ECE1: variants seen among roughly 807,000 people sequenced by gnomAD.
ECE1 encodes endothelin converting enzyme 1, also known as endothelin-converting enzyme 1.
A neutral mutation model predicts 98.6 loss-of-function variants in ECE1; 35 were observed. The observed-to-expected ratio is 0.35, with a 90% CI of 0.27 to 0.47. ECE1 has a LOEUF of 0.47. Ranked by LOEUF, ECE1 falls within the 20% of genes least tolerant of loss-of-function variation. The pLI is 1.00. For missense variants in ECE1, 814 were observed against 1,025.3 expected (o/e 0.79, Z 2.81); for synonymous variants, 394 against 407.1 (o/e 0.97, Z 0.39).
intron 13 of ECE1, among the ~76,000 whole-genome samples, chr1:21,234,279 C>T (rs574400101): frequency 3.9e-5 from 6 of 152,034 alleles, no homozygotes; most frequent in South Asian, 4.2e-4. Flanking sequence ...TGAGCCACCA[C>T]GCCCGGCCAC....
chr1:21,273,438 A>T (rs955828327), intron 3 of ECE1, among the ~76,000 whole-genome samples: 6 of 152,030 alleles, frequency 3.9e-5, no homozygotes, highest in Admixed American at 2.0e-4. Flanking sequence ...AAGAGCTAAC[A>T]ATTCAGTTGG....
In ECE1 at chr1:21,260,325, G is replaced by T; in HGVS notation, c.561C>A (p.Asn187Lys). 2 of 1,614,236 alleles carry T rather than the reference G, an allele frequency of 1.2e-6. No individual in the cohort carries two copies. Among genetic ancestry groups the T allele is most frequent in the Non-Finnish European group, 1.7e-6 (2 of 1,180,046 alleles). ...KAQVYYRACMNETRIEELRAK... is the reference protein window; with the variant it reads ...KAQVYYRACMKETRIEELRAK... ...CCCTGAGCTCCTCGATCCTGGTCTC[G>T]TTCATGCACGCACGGTAGTATACTT... Residue 187 changes from asparagine to lysine, a missense_variant, in exon 5 of 19, where the codon AAC (asparagine) becomes AAA (lysine). By Grantham distance (94) the Asn-to-Lys change is moderately conservative (BLOSUM62 0). Around this residue, in one of 3 missense-constraint regions of ECE1, gnomAD observed 257 missense variants for 278.9 expected, o/e 0.92. Coordinates refer to ENST00000374893, the MANE Select transcript of ECE1 (RefSeq NM_001397.3). This position sits in a 1 kb window ranked among gnomAD's most constrained non-coding sequence, Gnocchi z 4.3.
intron 17 of ECE1, among the ~76,000 whole-genome samples, chr1:21,223,953 A>C (rs7550617): frequency 0.054 from 8,160 of 152,122 alleles, 700 homozygotes; most frequent in African/African-American, 0.18. Context: ...TTAAAACCCT[A>C]TATTGTGTCT....
rs372239142 is a variant in ECE1 at position 21,256,056 on chromosome 1, A to G, written c.911T>C (p.Met304Thr). 3 of 1,612,404 alleles carry G rather than the reference A, an allele frequency of 1.9e-6. No homozygotes were observed. The highest frequency in any genetic ancestry group is 2.7e-5 in the African/African-American group (2 of 74,914). Residue 304 changes from methionine (M) to threonine (T), a missense_variant, in exon 8 of 19, where the codon ATG (methionine) becomes ACG (threonine). Met to Thr is a moderately conservative substitution (Grantham distance 81). This residue lies in a region of ECE1 where 105 missense variants were observed against 179.1 expected (regional missense o/e 0.59). Transcript: ENST00000374893. ...CGTCTCAAAGTCCAAGATCTGCTGC[A>G]TCTGGGGCCGGATGGCCTCCTCGTC... Reference protein sequence around the residue: ...GGDEEAIRPQMQQILDFETAL... With the variant: ...GGDEEAIRPQTQQILDFETAL...
chr1:21,303,169 C>T (rs1638524320), intron 1 of ECE1, among the ~76,000 whole-genome samples: 2 of 152,238 alleles, frequency 1.3e-5, no homozygotes, highest in African/African-American at 4.8e-5. Flanking sequence ...AGTGCCCGAG[C>T]CAGGGCAATC....
rs1464130662 is a variant in ECE1, at chr1:21,245,075, G to T, written c.1192C>A (p.Leu398Met). 1 of 1,614,088 alleles carries T rather than the reference G, an allele frequency of 6.2e-7. No homozygotes were observed. The highest frequency in any genetic ancestry group is 1.3e-5 in the African/African-American group (1 of 74,940). ...CLLNNYMIWNLVRKTSSFLDQ... is the reference protein window; with the variant it reads ...CLLNNYMIWNMVRKTSSFLDQ... ...AGGAAGGAGCTTGTTTTCCGCACCA[G>T]GTTCCAGATCATGTAGTTGTTGAGC... The change falls in exon 10 of 19, where the codon CTG (leucine) becomes ATG (methionine). Residue 398 changes from leucine (L) to methionine (M), a missense_variant. Leu to Met is a conservative substitution (Grantham distance 15). Transcript: ENST00000374893.
chr1:21,299,966 A>C (rs915073424), intron 1 of ECE1, among the ~76,000 whole-genome samples: 2 of 152,242 alleles, frequency 1.3e-5, no homozygotes, highest in African/African-American at 4.8e-5. Context: ...ATGTAAGTGG[A>C]GCTGCCACTT....
intron 2 of ECE1, among the ~76,000 whole-genome samples, chr1:21,283,036 G>A (rs2098256708): frequency 2.0e-5 from 3 of 149,286 alleles, no homozygotes; most frequent in African/African-American, 7.4e-5. Flanking sequence ...TGGCCTCCCG[G>A]GTTCAAGAGA....
chr1:21,328,841 C>A (rs1360903792), intron 1 of ECE1, among the ~76,000 whole-genome samples: 1 of 151,364 alleles, frequency 6.6e-6, no homozygotes, highest in East Asian at 1.9e-4. Flanking sequence ...AGGAGGAACA[C>A]AGGCCTCGGC....
upstream of ECE1, among the ~76,000 whole-genome samples, chr1:21,291,386 C>T (rs1434189729): frequency 3.9e-5 from 6 of 152,212 alleles, no homozygotes; most frequent in Non-Finnish European, 1.5e-5. Context: ...CACAGTCACA[C>T]ATATGTGTGA....
chr1:21,268,965 C>T (rs212547), intron 4 of ECE1, among the ~76,000 whole-genome samples: 14,883 of 152,258 alleles, frequency 0.098, 1,096 homozygotes, highest in East Asian at 0.44. Context: ...ATATGTCTTC[C>T]GGGGAAGCCC....
At chr1:21,222,945 G>A (rs1309143874) in intron 17 of ECE1, among the ~76,000 whole-genome samples, 1 of 151,376 alleles carries the variant, frequency 6.6e-6, no homozygotes. Context: ...AGCTAGATTC[G>A]GCCCATGGGC....
intron 1 of ECE1, among the ~76,000 whole-genome samples, chr1:21,300,125 G>A: frequency 6.6e-6 from 1 of 152,262 alleles, no homozygotes. Flanking sequence ...ACCATGGCAT[G>A]GGCCAGGATG....
intron 4 of ECE1, among the ~76,000 whole-genome samples, chr1:21,263,911 C>T (rs1466765363): frequency 6.6e-6 from 1 of 152,200 alleles, no homozygotes; most frequent in African/African-American, 2.4e-5. Context: ...GGAGCACCTA[C>T]TATCCTGCAG....
intron 1 of ECE1, among the ~76,000 whole-genome samples, chr1:21,332,531 G>A (rs1203143475): frequency 3.6e-5 from 5 of 138,268 alleles, no homozygotes; most frequent in Non-Finnish European, 7.7e-5. Flanking sequence ...TGGCAGAGCT[G>A]GGATTCAAAC....
rs1375710297 is a variant in ECE1 at position 21,219,726 on chromosome 1, C to T, written c.*229G>A. 1 of 590,622 alleles carries T rather than the reference C, an allele frequency of 1.7e-6. No individual in the cohort carries two copies. Among genetic ancestry groups the T allele is most frequent in the Middle Eastern group, 4.6e-4 (1 of 2,168 alleles). 36.6% of individuals were successfully genotyped at this position (590,622 alleles called of 1,614,324 possible). On this transcript the variant is annotated 3_prime_UTR_variant, in exon 19 of 19. Coordinates refer to ENST00000374893, the MANE Select transcript of ECE1 (RefSeq NM_001397.3). This position sits in a 1 kb window ranked among gnomAD's most constrained non-coding sequence, Gnocchi z 4.5. ...CACCAGCCCAGCACCCGAATGCCTG[C>T]TGAAGGTGGCGCACACGTGTGCCTG...
At chr1:21,342,473 C>T (rs1372931848) in intron 1 of ECE1, among the ~76,000 whole-genome samples, 1 of 152,138 alleles carries the variant, frequency 6.6e-6, no homozygotes, top group African/African-American at 2.4e-5. Flanking sequence ...GGAGACGGTC[C>T]ATCCGAGGCC....
At chr1:21,270,873 C>A (rs1484640578) in intron 4 of ECE1, among the ~76,000 whole-genome samples, 1 of 152,174 alleles carries the variant, frequency 6.6e-6, no homozygotes, top group Admixed American at 6.5e-5. Context: ...CCTGGTGAGT[C>A]TGAAGCAGAG....
intron 1 of ECE1, among the ~76,000 whole-genome samples, chr1:21,331,533 G>C (rs1639200879): frequency 1.3e-5 from 2 of 152,058 alleles, no homozygotes; most frequent in Non-Finnish European, 2.9e-5. Context: ...AGTGAGCCAT[G>C]ATGCACGATG....
Sources: gnomAD v4.1 joint callset for allele counts (sites outside exome capture counted in the v4.1 genomes callset) on GRCh38, gnomAD v4.1.1 for gene constraint, gnomAD v4.1.1 regional missense constraint, Gnocchi (gnomAD v3.1) non-coding constraint, MANE v1.5 for transcripts, NCBI Gene and HGNC (gene_info 2026-07-23, HGNC 2026-07-21) for gene names.